The following CHN2 variants were observed in gnomAD, a reference collection of about 807,000 sequenced individuals.
CHN2 encodes the protein chimerin 2, also known as beta-chimaerin.
A neutral mutation model predicts 56.3 loss-of-function variants in CHN2; 35 were observed. The observed-to-expected ratio is 0.62, with a 90% CI of 0.47 to 0.82. The LOEUF (loss-of-function observed/expected upper bound fraction) is 0.82. Among genes scored for constraint, CHN2 ranks in the 40% least tolerant of loss-of-function variants. The pLI is 0.00. For missense variants in CHN2, 491 were observed against 580.5 expected (o/e 0.85, Z 1.58); for synonymous variants, 210 against 212.8 (o/e 0.99, Z 0.12).
At chr7:29,389,203 A>G (rs1801169303) in intron 3 of CHN2, among the ~76,000 whole-genome samples, 1 of 152,186 alleles carries the variant, frequency 6.6e-6, no homozygotes, top group African/African-American at 2.4e-5. Flanking sequence ...AAATTCCTTC[A>G]GAGCAAGTCA....
chr7:29,175,913 G>A (rs544678141), intron 2 of CHN2, among the ~76,000 whole-genome samples: 66 of 152,160 alleles, frequency 4.3e-4, no homozygotes, highest in South Asian at 1.2e-3. Context: ...CCAGACGGGC[G>A]CGGTGGCTCA....
intron 1 of CHN2, among the ~76,000 whole-genome samples, chr7:29,331,619 G>A (rs548508065): frequency 9.9e-5 from 15 of 152,238 alleles, no homozygotes; most frequent in African/African-American, 3.4e-4. Flanking sequence ...GAGACCCCTG[G>A]GAGAAGCAGA....
chr7:29,146,780 C>T, intron 1 of CHN2: 1 of 1,549,070 alleles, frequency 6.5e-7, no homozygotes, highest in Non-Finnish European at 8.7e-7. Flanking sequence ...TTGATTTTGT[C>T]TCCCAGTTTT....
At chr7:29,405,041 C>G (rs866136861) in intron 6 of CHN2, among the ~76,000 whole-genome samples, 4 of 151,932 alleles carry the variant, frequency 2.6e-5, no homozygotes, top group Non-Finnish European at 5.9e-5. Context: ...AAACCGTGAT[C>G]GATGCAGTGC....
At chr7:29,160,928 C>T (rs1795090356) in intron 2 of CHN2, among the ~76,000 whole-genome samples, 1 of 152,190 alleles carries the variant, frequency 6.6e-6, no homozygotes, top group South Asian at 2.1e-4. Context: ...TTATAAATAT[C>T]TGTCACCCCT....
chr7:29,230,656 A>G (rs1314848021), intron 1 of CHN2, among the ~76,000 whole-genome samples: 1 of 152,242 alleles, frequency 6.6e-6, no homozygotes, highest in Non-Finnish European at 1.5e-5. Flanking sequence ...TTTCTTAAAA[A>G]TAAAAACAAA....
At chr7:29,224,636 A>T (rs1198577147) in intron 1 of CHN2, among the ~76,000 whole-genome samples, 1 of 152,212 alleles carries the variant, frequency 6.6e-6, no homozygotes, top group Non-Finnish European at 1.5e-5. Flanking sequence ...TTTACCAAAG[A>T]GATTATTGTG....
intron 1 of CHN2, among the ~76,000 whole-genome samples, chr7:29,301,374 C>G (rs1011144711): frequency 1.3e-5 from 2 of 151,442 alleles, no homozygotes; most frequent in Admixed American, 1.3e-4. Flanking sequence ...CACACACACA[C>G]ACACACACAC....
Position 29,494,950 on chromosome 7 carries a change from T to TAAAAAAAAAAAAA in CHN2, c.655-983_655-971dup, listed in dbSNP as rs5883217. On this transcript the variant is annotated intron_variant, in intron 7 of 12. Coordinates refer to ENST00000222792, the MANE Select transcript of CHN2 (RefSeq NM_004067.4). Reference sequence around the variant, plus strand: ...TTTTTTGTTAAATAAAAGCAGTTTGTAAAAAAAAAAAAAAAAAAAAAAAAA... The same window carrying TAAAAAAAAAAAAA: ...TTTTTTGTTAAATAAAAGCAGTTTGTAAAAAAAAAAAAAAAAAAAAAAAAAAAAAAAAAAAAAA... Among the ~76,000 whole-genome samples, 167 of 64,648 alleles carry TAAAAAAAAAAAAA rather than the reference T, an allele frequency of 2.6e-3. 4 individuals are homozygous for TAAAAAAAAAAAAA. The highest frequency in any genetic ancestry group is 3.6e-3 in the Admixed American group (15 of 4,114). The allele number at this position is 64,648 out of a possible 152,430, so 42.4% of individuals were successfully genotyped here. A position where few individuals can be genotyped will look rare whatever the true frequency, so the allele number is the denominator to read the frequency against.
chr7:29,289,442 A>G (rs757425), intron 1 of CHN2, among the ~76,000 whole-genome samples: 113,548 of 152,016 alleles, frequency 0.75, 42,697 homozygotes, highest in East Asian at 0.8. Flanking sequence ...TGCTGGCAGC[A>G]TCCCAAAGGC....
chr7:29,300,413 G>T (rs1793569605), intron 1 of CHN2, among the ~76,000 whole-genome samples: 1 of 152,196 alleles, frequency 6.6e-6, no homozygotes, highest in Non-Finnish European at 1.5e-5. Flanking sequence ...GCAAGGGTCA[G>T]GTAGTTCATT....
intron 1 of CHN2, among the ~76,000 whole-genome samples, chr7:29,273,345 A>ATATATATATATATATATATATATATGTG (rs1790844680): frequency 7.0e-5 from 2 of 28,716 alleles, no homozygotes; most frequent in Non-Finnish European, 1.3e-4. Context: ...ATATATGTGT[A>ATATATATATATATATATATATATATGTG]TATATATATA....
intron 1 of CHN2, among the ~76,000 whole-genome samples, chr7:29,215,927 A>T (rs1474409948): frequency 2.0e-5 from 3 of 152,176 alleles, no homozygotes; most frequent in African/African-American, 7.2e-5. Context: ...ATCATTTAAC[A>T]TTTAAATATT....
At chr7:29,226,990 A>G (rs938444041) in intron 1 of CHN2, among the ~76,000 whole-genome samples, 8 of 152,214 alleles carry the variant, frequency 5.3e-5, no homozygotes, top group African/African-American at 1.9e-4. Flanking sequence ...ACTGCTGTGC[A>G]CATGAGGGTG....
chr7:29,432,097 A>G (rs1782895692), intron 6 of CHN2, among the ~76,000 whole-genome samples: 1 of 152,084 alleles, frequency 6.6e-6, no homozygotes, highest in Non-Finnish European at 1.5e-5. Context: ...ATCCTTTCCT[A>G]GTGTTCAACC....
rs1052265507 is a variant in CHN2 at position 29,228,003 on chromosome 7, C to T, written c.49+33013C>T. Among the ~76,000 whole-genome samples the T allele has an allele frequency of 2.0e-5, 3 of 152,096 alleles. No individual in the cohort carries two copies. In the East Asian group the frequency reaches 5.8e-4, roughly 29 times the overall value. On this transcript the variant is annotated intron_variant, in intron 1 of 12. Transcript: ENST00000222792. Reference sequence around the variant, plus strand: ...AAGCTTATTGTTAAGTTAAAGGCTTCAGATTGTATGACAAATTCTCAGCCC... The same window carrying T: ...AAGCTTATTGTTAAGTTAAAGGCTTTAGATTGTATGACAAATTCTCAGCCC...
At chr7:29,456,613 C>G (rs1339666270) in intron 6 of CHN2, among the ~76,000 whole-genome samples, 1 of 135,426 alleles carries the variant, frequency 7.4e-6, no homozygotes, top group African/African-American at 3.0e-5. Context: ...CCACCCGCCC[C>G]CTCCCCCCCA....
intron 1 of CHN2, among the ~76,000 whole-genome samples, chr7:29,195,629 A>AGAGAGAGAGAGAGAGAGAGAGTGTGT (rs869037854): frequency 8.6e-4 from 101 of 117,470 alleles, no homozygotes; most frequent in East Asian, 7.3e-3. Flanking sequence ...AGAGAGAGAG[A>AGAGAGAGAGAGAGAGAGAGAGTGTGT]GTGTGTGTGT....
chr7:29,188,461 G>A (rs960519279), intron 2 of CHN2, among the ~76,000 whole-genome samples: 3 of 152,054 alleles, frequency 2.0e-5, no homozygotes, highest in Non-Finnish European at 4.4e-5. Context: ...TATGTTTTCT[G>A]TATCAGAAGA....
Sources: gnomAD v4.1 joint callset for allele counts (sites outside exome capture counted in the v4.1 genomes callset) on GRCh38, gnomAD v4.1.1 for gene constraint, MANE v1.5 for transcripts, NCBI Gene and HGNC (gene_info 2026-07-23, HGNC 2026-07-21) for gene names.